The following CNTLN variants were observed in gnomAD, a reference collection of about 807,000 sequenced individuals.
CNTLN encodes the protein centlein, centrosomal protein.
Under a neutral mutation model 180.0 loss-of-function variants are expected in CNTLN, and 212 were observed. The observed-to-expected ratio is 1.18, with a 90% CI of 1.05 to 1.32. The LOEUF (loss-of-function observed/expected upper bound fraction) is 1.32. CNTLN is among the 40% of genes most tolerant of loss of function. The pLI is 0.00. For synonymous variants in CNTLN, 722 were observed against 563.1 expected (o/e 1.28, Z -3.99); for missense variants, 2,095 against 1,610.9 (o/e 1.30, Z -5.14).
chr9:17,460,992 A>G (rs1831413313), intron 19 of CNTLN, among the ~76,000 whole-genome samples: 1 of 151,584 alleles, frequency 6.6e-6, no homozygotes, highest in African/African-American at 2.4e-5. Flanking sequence ...ATTGACAGAG[A>G]AAAAAAGGCA....
intron 2 of CNTLN, among the ~76,000 whole-genome samples, chr9:17,178,814 G>A (rs1209121473): frequency 2.0e-5 from 3 of 152,160 alleles, no homozygotes; most frequent in African/African-American, 7.2e-5. Context: ...GCCTTGGCCA[G>A]CCCAGCAAGG....
At chr9:17,294,002 T>G (rs997732401) in intron 6 of CNTLN, among the ~76,000 whole-genome samples, 2 of 152,274 alleles carry the variant, frequency 1.3e-5, no homozygotes, top group Middle Eastern at 3.4e-3. Flanking sequence ...CACGGACCCT[T>G]GCGGTGAGTG....
chr9:17,313,512 G>T (rs1167927703), intron 8 of CNTLN, among the ~76,000 whole-genome samples: 1 of 151,816 alleles, frequency 6.6e-6, no homozygotes, highest in African/African-American at 2.4e-5. Context: ...TCACTTAAAC[G>T]TAATGTGTCA....
chr9:17,346,879 G>A (rs1273377149), intron 12 of CNTLN, among the ~76,000 whole-genome samples: 1 of 152,076 alleles, frequency 6.6e-6, no homozygotes, highest in Non-Finnish European at 1.5e-5. Context: ...TGTCCTACAG[G>A]TCACTGAGGG....
intron 2 of CNTLN, among the ~76,000 whole-genome samples, chr9:17,162,497 C>T (rs1819754103): frequency 6.6e-6 from 1 of 152,324 alleles, no homozygotes; most frequent in Admixed American, 6.5e-5. Context: ...AGTTCCTATA[C>T]TTTGTTACAC....
intron 8 of CNTLN, among the ~76,000 whole-genome samples, chr9:17,327,313 G>T (rs1327317864): frequency 1.5e-3 from 4 of 2,636 alleles, no homozygotes; most frequent in Non-Finnish European, 4.6e-3. Context: ...CCAGGTTCAC[G>T]GCCATCCTCC....
intron 3 of CNTLN, among the ~76,000 whole-genome samples, chr9:17,231,823 AC>A (rs1824833065): frequency 1.2e-5 from 1 of 84,738 alleles, no homozygotes. Flanking sequence ...CCTACCCCCC[AC>A]CCATTTTTAT....
intron 21 of CNTLN, among the ~76,000 whole-genome samples, 160 bp from the exon 22 acceptor site, chr9:17,465,821 C>G (rs1179731169): frequency 4.0e-5 from 6 of 151,222 alleles, no homozygotes; most frequent in Non-Finnish European, 8.9e-5. Context: ...TACTTTCATT[C>G]ATAATATGAG....
intron 13 of CNTLN, among the ~76,000 whole-genome samples, chr9:17,378,074 C>A (rs111753556): frequency 2.1e-4 from 32 of 152,140 alleles, no homozygotes; most frequent in African/African-American, 7.0e-4. Flanking sequence ...TTTTGTCCGG[C>A]CTTCATATCT....
intron 10 of CNTLN, among the ~76,000 whole-genome samples, chr9:17,338,355 T>TTTTTTTTTA (rs1554691993): frequency 2.7e-5 from 4 of 147,486 alleles, no homozygotes; most frequent in Admixed American, 6.8e-5. Context: ...TTTTTTTTTT[T>TTTTTTTTTA]AGAGATGGGG....
chr9:17,224,267 C>G (rs1048029276), intron 2 of CNTLN, among the ~76,000 whole-genome samples: 1 of 151,872 alleles, frequency 6.6e-6, no homozygotes, highest in Admixed American at 6.6e-5. Context: ...TATTTTGTTC[C>G]CTCCAATATC....
chr9:17,145,672 T>C (rs898982403), intron 2 of CNTLN, among the ~76,000 whole-genome samples: 1 of 152,178 alleles, frequency 6.6e-6, no homozygotes, highest in Non-Finnish European at 1.5e-5. Context: ...CTCTTTGGCT[T>C]ATGGTATGGA....
At position 17,259,583 on chromosome 9, in the gene CNTLN, C is replaced by T. The variant is rs551507014; in HGVS notation, c.850-14150C>T. Among the ~76,000 whole-genome samples, 4 of 150,576 alleles carry T rather than the reference C, an allele frequency of 2.7e-5. No individual in the cohort carries two copies. In the East Asian group the frequency reaches 5.8e-4, roughly 22 times the overall value. On this transcript the variant is annotated intron_variant, in intron 5 of 25. Transcript: ENST00000380647. Reference sequence around the variant, plus strand: ...TCCTCCTTGTACCTCTGGTAGAATTCGGCTGTGAATCCATCTGGTCCTGGA... The same window carrying T: ...TCCTCCTTGTACCTCTGGTAGAATTTGGCTGTGAATCCATCTGGTCCTGGA...
intron 16 of CNTLN, 142 bp from the exon 17 acceptor site, chr9:17,415,646 C>T: frequency 1.6e-6 from 1 of 625,976 alleles, no homozygotes; most frequent in East Asian, 2.8e-5. Context: ...TCAAGCAGTC[C>T]TCCTGCCTTG....
chr9:17,214,134 A>G (rs1823548869), intron 2 of CNTLN, among the ~76,000 whole-genome samples: 1 of 152,114 alleles, frequency 6.6e-6, no homozygotes, highest in Non-Finnish European at 1.5e-5. Context: ...TAGTTGATGC[A>G]GTTTCTTCCT....
intron 5 of CNTLN, among the ~76,000 whole-genome samples, chr9:17,252,270 T>C (rs957255466): frequency 4.6e-5 from 7 of 151,814 alleles, no homozygotes; most frequent in Admixed American, 1.3e-4. Context: ...AGTGGGATTG[T>C]GGGATTGTAT....
intron 5 of CNTLN, among the ~76,000 whole-genome samples, chr9:17,250,935 A>T (rs541503938): frequency 6.6e-6 from 1 of 152,052 alleles, no homozygotes; most frequent in East Asian, 1.9e-4. Context: ...CTTGTAGTGC[A>T]TCTGAAGTGG....
chr9:17,403,041 C>T (rs1436217072), intron 15 of CNTLN, among the ~76,000 whole-genome samples: 1 of 151,662 alleles, frequency 6.6e-6, no homozygotes, highest in African/African-American at 2.4e-5. Context: ...TCAAAAGAGG[C>T]ATTTTTCAGT....
chr9:17,333,112 G>C (rs1452818963), intron 10 of CNTLN, among the ~76,000 whole-genome samples: 3 of 151,828 alleles, frequency 2.0e-5, no homozygotes, highest in Non-Finnish European at 2.9e-5. Context: ...TATTAACCTA[G>C]CTCAGATCAC....
Sources: gnomAD v4.1 joint callset for allele counts (sites outside exome capture counted in the v4.1 genomes callset) on GRCh38, gnomAD v4.1.1 for gene constraint, MANE v1.5 for transcripts, NCBI Gene and HGNC (gene_info 2026-07-23, HGNC 2026-07-21) for gene names.